Variants in RAP1B observed in about 807,000 individuals in gnomAD.
RAP1B encodes ras-related protein Rap-1b.
A neutral mutation model predicts 27.5 loss-of-function variants in RAP1B; 1 was observed. That is an observed-to-expected ratio of 0.04 (90% CI 0.01 to 0.17). The LOEUF (loss-of-function observed/expected upper bound fraction) is 0.17. RAP1B is among the 10% of genes least tolerant of loss of function. The pLI is 1.00. For synonymous variants in RAP1B, 75 were observed against 73.1 expected, an observed-to-expected ratio of 1.03 and a Z score of -0.13; for missense variants, 84 against 214.8, an observed-to-expected ratio of 0.39 and a Z score of 3.81.
chr12:68,658,783 T>A (rs1021849283), intron 7 of RAP1B, among the ~76,000 whole-genome samples: 1 of 152,248 alleles, frequency 6.6e-6, no homozygotes, highest in Non-Finnish European at 1.5e-5. Flanking sequence ...TTAGCCACTT[T>A]CATTGAAAGA....
intron 1 of RAP1B, among the ~76,000 whole-genome samples, chr12:68,637,203 G>A (rs542231616): frequency 6.6e-6 from 1 of 152,090 alleles, no homozygotes; most frequent in East Asian, 1.9e-4. Flanking sequence ...CTTGATGATG[G>A]TAATAACTAA....
intron 1 of RAP1B, among the ~76,000 whole-genome samples, chr12:68,640,205 T>C (rs1872901095): frequency 6.7e-6 from 1 of 149,398 alleles, no homozygotes; most frequent in African/African-American, 2.4e-5. Context: ...AAAACAAAAT[T>C]TAATATCAAT....
chr12:68,621,950 T>C (rs1160519431), intron 1 of RAP1B, among the ~76,000 whole-genome samples: 5 of 152,226 alleles, frequency 3.3e-5, no homozygotes, highest in Non-Finnish European at 7.3e-5. Flanking sequence ...TGTCCTCATA[T>C]GTTTTTTTAG....
chr12:68,625,346 A>T (rs758372930), intron 1 of RAP1B, among the ~76,000 whole-genome samples: 6 of 152,258 alleles, frequency 3.9e-5, no homozygotes, highest in Non-Finnish European at 7.3e-5. Context: ...AGTCAAAAAC[A>T]ACTTTATAAC....
At chr12:68,651,175 A>C (rs767233115) in intron 3 of RAP1B, among the ~76,000 whole-genome samples, 1 of 152,210 alleles carries the variant, frequency 6.6e-6, no homozygotes, top group Non-Finnish European at 1.5e-5. Flanking sequence ...GAACATTGCA[A>C]GTTTTGGATT....
Position 68,669,005 on chromosome 12 carries a change from A to G in RAP1B, c.*9756A>G, listed in dbSNP as rs1874961022. On this transcript the variant is annotated 3_prime_UTR_variant, in exon 8 of 8. Transcript: ENST00000250559. ...ATATCAAAAGAATGAAATGTTAAAT[A>G]TAGACACTGGAAAATAAAATTACTT... is the stretch of plus-strand genomic sequence containing the variant. 1 of 152,216 alleles carries G rather than the reference A, an allele frequency of 6.6e-6. No homozygotes were observed. Among genetic ancestry groups the G allele is most frequent in the African/African-American group, 2.4e-5 (1 of 41,450 alleles). The allele number at this position is 152,216 out of a possible 1,614,324, so 9.4% of individuals were successfully genotyped here.
intron 2 of RAP1B, 164 bp downstream of exon 2, chr12:68,648,945 G>A (rs1000256142): frequency 1.6e-6 from 1 of 622,944 alleles, no homozygotes; most frequent in Non-Finnish European, 2.7e-6. Context: ...ATTATATCTG[G>A]GTGGATCATA....
chr12:68,633,131 AG>A (rs1872384455), intron 1 of RAP1B, among the ~76,000 whole-genome samples: 1 of 152,206 alleles, frequency 6.6e-6, no homozygotes, highest in African/African-American at 2.4e-5. Context: ...AAACATCATC[AG>A]AGTTCATTGG....
intron 2 of RAP1B, chr12:68,649,418 A>G (rs769912790): frequency 1.3e-5 from 2 of 152,214 alleles, no homozygotes; most frequent in Admixed American, 1.3e-4. Flanking sequence ...AAAGTCTTCA[A>G]ATATTACCTT....
intron 1 of RAP1B, among the ~76,000 whole-genome samples, chr12:68,632,125 A>ATTTTTTTTTT (rs1211565843): frequency 3.7e-5 from 4 of 107,140 alleles, no homozygotes; most frequent in African/African-American, 1.8e-4. Context: ...TGGGTTTTGG[A>ATTTTTTTTTT]TTTGTTTTTT....
At chr12:68,624,618 C>G (rs567679040) in intron 1 of RAP1B, 1 of 152,290 alleles carries the variant, frequency 6.6e-6, no homozygotes, top group East Asian at 1.9e-4. Flanking sequence ...AAGTTCGAGA[C>G]CAGTCTGGCC....
rs1874731377 is a variant in RAP1B, at chr12:68,663,821, G to A, written c.*4572G>A. 6.6e-6 allele frequency: 1 copy of A among 152,160 alleles called. No homozygotes were observed. The highest frequency in any genetic ancestry group is 2.1e-4 in the South Asian group (1 of 4,834). 9.4% of individuals were successfully genotyped at this position (152,160 alleles called of 1,614,324 possible). ...TGTTTACAATATCGGAGGTACAGCA[G>A]GGATTTTCTGCCCACGTGGGGAAAA... On this transcript the variant is annotated 3_prime_UTR_variant, in exon 8 of 8. Coordinates refer to ENST00000250559, the MANE Select transcript of RAP1B (RefSeq NM_001010942.3).
chr12:68,653,061 T>C (rs761410963), intron 4 of RAP1B, among the ~76,000 whole-genome samples: 1 of 151,536 alleles, frequency 6.6e-6, no homozygotes, highest in African/African-American at 2.4e-5. Context: ...ATACAAAAAT[T>C]AGCCAGGTGC....
Position 68,664,887 on chromosome 12 carries a change from T to G in RAP1B, c.*5638T>G, listed in dbSNP as rs1443659680. ...ATAAAAATTGTTATTTTGTAAAATA[T>G]ATGGACTGTTTGCTTTATATTCCCA... is the stretch of plus-strand genomic sequence containing the variant. On this transcript the variant is annotated 3_prime_UTR_variant, in exon 8 of 8. Transcript: ENST00000250559. The G allele has an allele frequency of 6.6e-6, 1 of 152,220 alleles. No individual in the cohort carries two copies. 9.4% of individuals were successfully genotyped at this position (152,220 alleles called of 1,614,324 possible).
At chr12:68,650,261 C>T (rs1358366358) in intron 2 of RAP1B, 139 bp from the exon 3 acceptor site, 1 of 688,352 alleles carries the variant, frequency 1.5e-6, no homozygotes, top group Non-Finnish European at 2.2e-6. Context: ...CAAATGTACA[C>T]ATTCGAATGT....
intron 1 of RAP1B, among the ~76,000 whole-genome samples, chr12:68,620,686 G>A (rs1357283375): frequency 2.0e-5 from 3 of 149,610 alleles, no homozygotes; most frequent in Non-Finnish European, 3.0e-5. Flanking sequence ...CTGAAGTCTC[G>A]ACCTCCCGGG....
Position 68,659,192 on chromosome 12 carries a change from A to T in RAP1B, c.*31-88A>T, listed in dbSNP as rs1874454700. On this transcript the variant is annotated intron_variant, in intron 7 of 7. Coordinates refer to ENST00000250559, the MANE Select transcript of RAP1B (RefSeq NM_001010942.3). Reference sequence around the variant, plus strand: ...AGCCTAGATTATATTCATTTCTAACACTTTTAAGACTGTTTTCTTAACTGT... The same window carrying T: ...AGCCTAGATTATATTCATTTCTAACTCTTTTAAGACTGTTTTCTTAACTGT... 7 of 448,710 alleles carry T rather than the reference A, an allele frequency of 1.6e-5. No individual in the cohort carries two copies. The Admixed American group carries it at 1.7e-4, about 11-fold the overall frequency. The allele number at this position is 448,710 out of a possible 1,614,324, so 27.8% of individuals were successfully genotyped here. A position where few individuals can be genotyped will look rare whatever the true frequency, so the allele number is the denominator to read the frequency against.
chr12:68,622,228 A>G (rs1463035763), intron 1 of RAP1B, among the ~76,000 whole-genome samples: 1 of 152,178 alleles, frequency 6.6e-6, no homozygotes, highest in African/African-American at 2.4e-5. Context: ...TGTTTCTGTA[A>G]TACCACCCTT....
chr12:68,633,166 TAAAAC>T (rs903898913), intron 1 of RAP1B, among the ~76,000 whole-genome samples: 2 of 152,160 alleles, frequency 1.3e-5, no homozygotes, highest in Non-Finnish European at 2.9e-5. Flanking sequence ...TCTAAAACCT[TAAAAC>T]TAAGTTGAGA....
Sources: gnomAD v4.1 joint callset for allele counts (sites outside exome capture counted in the v4.1 genomes callset) on GRCh38, gnomAD v4.1.1 for gene constraint, MANE v1.5 for transcripts, NCBI Gene and HGNC (gene_info 2026-07-23, HGNC 2026-07-21) for gene names.